The following SNTG2 variants were observed in gnomAD, a reference collection of about 807,000 sequenced individuals.
SNTG2 encodes the protein gamma-2-syntrophin.
Under a neutral mutation model 70.9 loss-of-function variants are expected in SNTG2, and 74 were observed. The observed-to-expected ratio is 1.04, with a 90% CI of 0.86 to 1.27. SNTG2 has a LOEUF of 1.27. Among genes scored for constraint, SNTG2 ranks in the 50% most tolerant of loss-of-function variants. The pLI, the probability that SNTG2 is intolerant of heterozygous loss-of-function variation, is 0.00. For missense variants in SNTG2, 717 were observed against 690.7 expected (o/e 1.04, Z -0.43); for synonymous variants, 278 against 273.8 (o/e 1.02, Z -0.15).
rs1303432289 is a variant in SNTG2 at position 1,367,432 on chromosome 2, G to A, written c.1578G>A (p.Met526Ile). ...AKVASVDPGF[M>I]DSQSLARKYM... ...TGGCCTCCGTGGACCCCGGCTTCAT[G>A]GACAGTCAGAGTCTTGCCAGAAAAT... The change falls in exon 17 of 17, where the codon ATG becomes ATA. Residue 526 changes from methionine (M) to isoleucine (I), a missense_variant. Met to Ile is a conservative substitution (Grantham distance 10). Transcript: ENST00000308624. 9 of 1,551,668 alleles carry A rather than the reference G, an allele frequency of 5.8e-6. No individual in the cohort carries two copies. Among genetic ancestry groups the A allele is most frequent in the Non-Finnish European group, 7.8e-6 (9 of 1,146,988 alleles).
intron 4 of SNTG2, among the ~76,000 whole-genome samples, chr2:1,110,126 C>G (rs1227519657): frequency 6.6e-6 from 1 of 152,034 alleles, no homozygotes; most frequent in Non-Finnish European, 1.5e-5. Flanking sequence ...AACACAAAAC[C>G]CAGGTCCCAA....
chr2:997,309 C>T (rs1006691059), intron 1 of SNTG2, among the ~76,000 whole-genome samples: 26 of 152,042 alleles, frequency 1.7e-4, no homozygotes, highest in Admixed American at 9.8e-4. Context: ...GCCATGAGGA[C>T]GTGTAGGGAA....
At chr2:1,282,825 A>G (rs1332907829) in intron 14 of SNTG2, among the ~76,000 whole-genome samples, 2 of 151,848 alleles carry the variant, frequency 1.3e-5, no homozygotes, top group African/African-American at 2.4e-5. Flanking sequence ...TGATACGATA[A>G]GTAGAGCGCT....
intron 16 of SNTG2, among the ~76,000 whole-genome samples, chr2:1,339,667 T>G (rs1659986244): frequency 6.6e-6 from 1 of 152,228 alleles, no homozygotes; most frequent in African/African-American, 2.4e-5. Context: ...ATTATTTCTC[T>G]GATGTGTGAA....
chr2:1,070,187 T>G (rs1262851251), intron 1 of SNTG2, among the ~76,000 whole-genome samples: 1 of 152,008 alleles, frequency 6.6e-6, no homozygotes. Context: ...GGAATTACCC[T>G]GAGCCCACCG....
chr2:1,255,782 G>A (rs1395510762), intron 12 of SNTG2, among the ~76,000 whole-genome samples: 1 of 94,364 alleles, frequency 1.1e-5, no homozygotes, highest in East Asian at 3.2e-4. Context: ...CTAATTATAT[G>A]TGTGTGTGTG....
chr2:1,302,615 AAAAAT>A (rs1332840317), intron 14 of SNTG2, among the ~76,000 whole-genome samples: 1 of 152,148 alleles, frequency 6.6e-6, no homozygotes, highest in Non-Finnish European at 1.5e-5. Flanking sequence ...ACAGGAAACA[AAAAAT>A]AAAATATCAG....
intron 14 of SNTG2, among the ~76,000 whole-genome samples, chr2:1,279,247 A>G (rs1418156343): frequency 1.3e-5 from 2 of 152,172 alleles, no homozygotes; most frequent in African/African-American, 4.8e-5. Context: ...TATTCAAGTC[A>G]CTCTTATCGG....
At chr2:1,065,131 G>A (rs1295223452) in intron 1 of SNTG2, among the ~76,000 whole-genome samples, 2 of 152,182 alleles carry the variant, frequency 1.3e-5, no homozygotes, top group African/African-American at 4.8e-5. Context: ...CATGTGGGAT[G>A]TGGGGGTGTC....
intron 8 of SNTG2, among the ~76,000 whole-genome samples, chr2:1,206,937 C>T (rs1172947480): frequency 2.0e-5 from 3 of 152,166 alleles, no homozygotes; most frequent in African/African-American, 4.8e-5. Flanking sequence ...CACACTGTAG[C>T]AAACCTTTGA....
intron 12 of SNTG2, among the ~76,000 whole-genome samples, chr2:1,255,873 AATAT>A (rs55737102): frequency 6.5e-4 from 17 of 26,190 alleles, no homozygotes; most frequent in Admixed American, 1.0e-3. Context: ...AATATATATA[AATAT>A]ATATATAAAT....
intron 9 of SNTG2, among the ~76,000 whole-genome samples, chr2:1,216,958 G>A (rs1031034235): frequency 6.6e-6 from 1 of 151,996 alleles, no homozygotes; most frequent in Admixed American, 6.6e-5. Flanking sequence ...TGTGAAAAAG[G>A]GCCAAGCTTG....
chr2:1,223,577 C>A (rs1242448140), intron 9 of SNTG2, among the ~76,000 whole-genome samples: 9 of 152,346 alleles, frequency 5.9e-5, no homozygotes, highest in South Asian at 2.1e-4. Context: ...TGGCACCCTC[C>A]CCATTACAAC....
chr2:1,009,421 CA>C lies in SNTG2; in HGVS notation c.72+58354del, dbSNP rs1160672854. Among the ~76,000 whole-genome samples the C allele has an allele frequency of 1.9e-4, 3 of 15,742 alleles. 1 individual carries two copies. Among genetic ancestry groups the C allele is most frequent in the Non-Finnish European group, 3.7e-4 (3 of 8,050 alleles). The allele number at this position is 15,742 out of a possible 152,430, so 10.3% of individuals were successfully genotyped here. ...AGCCACACCTGTGTCCCCAGGAAGA[CA>C]TGCTGGTTCTGATACTGGTGGGTCG... is the stretch of plus-strand genomic sequence containing the variant. On this transcript the variant is annotated intron_variant, in intron 1 of 16. Coordinates refer to ENST00000308624, the MANE Select transcript of SNTG2 (RefSeq NM_018968.4).
intron 8 of SNTG2, among the ~76,000 whole-genome samples, chr2:1,185,470 CT>C (rs1412505520): frequency 1.2e-4 from 18 of 152,302 alleles, no homozygotes; most frequent in African/African-American, 4.1e-4. Context: ...GGCTTCTCCC[CT>C]GCAGCAGACT....
At position 1,240,393 on chromosome 2, in the gene SNTG2, G is replaced by A. The variant is rs374582158; in HGVS notation, c.888+617G>A. Among the ~76,000 whole-genome samples the A allele has an allele frequency of 9.2e-5, 14 of 152,276 alleles. No homozygotes were observed. In the East Asian group the frequency reaches 1.9e-3, roughly 21 times the overall value. ...CTTAGGAAAACTCTATGGTAATCAA[G>A]CTGTTTCAATATCAGCCAAATCAGT... On this transcript the variant is annotated intron_variant, in intron 11 of 16. Coordinates refer to ENST00000308624, the MANE Select transcript of SNTG2 (RefSeq NM_018968.4).
At chr2:1,302,407 C>T (rs1457268884) in intron 14 of SNTG2, among the ~76,000 whole-genome samples, 2 of 151,834 alleles carry the variant, frequency 1.3e-5, no homozygotes, top group East Asian at 3.9e-4. Flanking sequence ...GGTTTCTATA[C>T]TTCAACTAAA....
At chr2:951,272 C>T (rs1352549591) in intron 1 of SNTG2, among the ~76,000 whole-genome samples, 1 of 152,250 alleles carries the variant, frequency 6.6e-6, no homozygotes, top group Admixed American at 6.5e-5. Context: ...CTCCCTCCAG[C>T]CCAGTGTCTT....
At chr2:1,200,463 G>T (rs752682799) in intron 8 of SNTG2, among the ~76,000 whole-genome samples, 10 of 151,950 alleles carry the variant, frequency 6.6e-5, no homozygotes, top group Non-Finnish European at 1.3e-4. Context: ...TTTAGGAAAA[G>T]ATTTTATGAC....
Sources: allele counts gnomAD v4.1 joint callset (sites outside exome capture counted in the v4.1 genomes callset), GRCh38; gene constraint gnomAD v4.1.1; transcripts MANE v1.5; gene names NCBI Gene and HGNC (gene_info 2026-07-23, HGNC 2026-07-21).